RGS6: variants seen among roughly 807,000 people sequenced by gnomAD.
RGS6 encodes regulator of G-protein signaling 6.
A neutral mutation model predicts 78.5 loss-of-function variants in RGS6; 30 were observed. That is an observed-to-expected ratio of 0.38 (90% CI 0.29 to 0.52). The LOEUF is 0.52. Among genes scored for constraint, RGS6 ranks in the 20% least tolerant of loss-of-function variants. The probability of loss-of-function intolerance (pLI) is 0.85; values close to 1 mark genes in which losing one functional copy is unlikely to be tolerated. For synonymous variants in RGS6, 206 were observed against 206.0 expected (o/e 1.00, Z 0.00); for missense variants, 495 against 609.7 (o/e 0.81, Z 1.98).
In RGS6 at chr14:72,454,587, C is replaced by A; in HGVS notation, c.235+9C>A. On this transcript the variant is annotated intron_variant, in intron 4 of 17. Transcript: ENST00000553525. ...TTCCATTGAGGACCCAGGTACTTGA[C>A]CTTTGACCCCACCCTTATCTCCCCT... 6.2e-7 allele frequency: 1 copy of A among 1,612,782 alleles called. No individual in the cohort carries two copies. Among genetic ancestry groups the A allele is most frequent in the South Asian group, 1.1e-5 (1 of 90,976 alleles).
At chr14:72,444,610 A>G (rs1468987646) in intron 3 of RGS6, among the ~76,000 whole-genome samples, 6 of 152,098 alleles carry the variant, frequency 3.9e-5, no homozygotes, top group Non-Finnish European at 8.8e-5. Context: ...ATCAGTTTCC[A>G]GTTCTTGAGG....
In RGS6 at chr14:72,508,358, G is replaced by T. The variant is rs553375419; in HGVS notation, c.966-1796G>T. On this transcript the variant is annotated intron_variant, in intron 13 of 17. Coordinates refer to ENST00000553525, the MANE Select transcript of RGS6 (RefSeq NM_001204424.2). ...CATGTAGCTATTTAAATTTAAATTT[G>T]AATCATTTAAAATTAAATGAATTTT... is the stretch of plus-strand genomic sequence containing the variant. Among the ~76,000 whole-genome samples the T allele has an allele frequency of 8.7e-4, 132 of 152,124 alleles. 2 individuals are homozygous for T. Among genetic ancestry groups the T allele is most frequent in the East Asian group, 1.7e-3 (9 of 5,174 alleles).
intron 2 of RGS6, among the ~76,000 whole-genome samples, chr14:72,109,741 T>C (rs1375720222): frequency 6.6e-6 from 1 of 152,208 alleles, no homozygotes; most frequent in Non-Finnish European, 1.5e-5. Context: ...TGCCTTACAA[T>C]GGACAGATAC....
intron 2 of RGS6, among the ~76,000 whole-genome samples, chr14:71,991,889 T>G (rs1396076008): frequency 6.6e-6 from 1 of 152,230 alleles, no homozygotes; most frequent in Non-Finnish European, 1.5e-5. Context: ...CTGTTATAAG[T>G]GCAGAAGCAT....
chr14:72,244,016 A>G (rs1470665794), intron 2 of RGS6, among the ~76,000 whole-genome samples: 2 of 152,210 alleles, frequency 1.3e-5, no homozygotes, highest in African/African-American at 4.8e-5. Context: ...TATAGAAGAT[A>G]GAAACAGCAG....
intron 3 of RGS6, among the ~76,000 whole-genome samples, chr14:72,426,946 TG>T (rs1302904469): frequency 2.0e-5 from 3 of 152,242 alleles, no homozygotes; most frequent in Non-Finnish European, 4.4e-5. Context: ...CTTGCTCTCT[TG>T]GGATGTTTGT....
At chr14:72,029,925 GC>G (rs1274406999) in intron 2 of RGS6, among the ~76,000 whole-genome samples, 1 of 152,186 alleles carries the variant, frequency 6.6e-6, no homozygotes, top group East Asian at 1.9e-4. Context: ...TCAGTAGTCT[GC>G]TTTCATAGAT....
chr14:72,032,754 G>A (rs1458537245), intron 2 of RGS6, among the ~76,000 whole-genome samples: 1 of 151,912 alleles, frequency 6.6e-6, no homozygotes, highest in Non-Finnish European at 1.5e-5. Flanking sequence ...TGTTCTCAAG[G>A]TTCATCTATA....
At chr14:72,328,183 C>T (rs1478869162) in intron 2 of RGS6, among the ~76,000 whole-genome samples, 1 of 152,154 alleles carries the variant, frequency 6.6e-6, no homozygotes, top group Non-Finnish European at 1.5e-5. Context: ...AAGATGCTTG[C>T]CCACACCAGT....
the RGS6 span, among the ~76,000 whole-genome samples, chr14:71,898,398 T>C: frequency 6.6e-6 from 1 of 152,218 alleles, no homozygotes; most frequent in African/African-American, 2.4e-5. Flanking sequence ...GGTAGAAATA[T>C]ATACAGCCTA....
At chr14:72,289,147 G>C (rs1003204289) in intron 2 of RGS6, among the ~76,000 whole-genome samples, 2 of 152,138 alleles carry the variant, frequency 1.3e-5, no homozygotes, top group African/African-American at 4.8e-5. Context: ...TTAATCAGCA[G>C]CTCAGGAAAT....
intron 2 of RGS6, among the ~76,000 whole-genome samples, chr14:72,085,252 A>G (rs779929687): frequency 2.0e-5 from 3 of 152,262 alleles, no homozygotes; most frequent in Non-Finnish European, 4.4e-5. Context: ...GGCGGTCAAT[A>G]AATGGCATAC....
At chr14:72,393,233 T>A (rs1329242662) in intron 3 of RGS6, among the ~76,000 whole-genome samples, 1 of 152,212 alleles carries the variant, frequency 6.6e-6, no homozygotes, top group Non-Finnish European at 1.5e-5. Flanking sequence ...GAACCAGGAC[T>A]GAGCCAGCAG....
At chr14:72,576,334 A>T in the RGS6 span, among the ~76,000 whole-genome samples, 1 of 152,202 alleles carries the variant, frequency 6.6e-6, no homozygotes, top group Non-Finnish European at 1.5e-5. Flanking sequence ...TTCTCCTCCC[A>T]AAAAGTACAT....
At chr14:72,560,202 G>C (rs1348269621) in intron 17 of RGS6, among the ~76,000 whole-genome samples, 2 of 152,150 alleles carry the variant, frequency 1.3e-5, no homozygotes, top group African/African-American at 4.8e-5. Context: ...TGTGTGATTT[G>C]TGGCCCTGGC....
chr14:72,024,040 T>C (rs527671416), intron 2 of RGS6, among the ~76,000 whole-genome samples: 3 of 112,254 alleles, frequency 2.7e-5, no homozygotes, highest in East Asian at 2.8e-4. Context: ...GATTCTGCTT[T>C]GTACATGTAG....
At chr14:72,088,302 T>C (rs541674428) in intron 2 of RGS6, among the ~76,000 whole-genome samples, 49 of 152,302 alleles carry the variant, frequency 3.2e-4, no homozygotes, top group African/African-American at 1.1e-3. Flanking sequence ...TGTGATGCAC[T>C]CCTCCTTCCC....
At chr14:72,049,998 A>G (rs149419849) in intron 2 of RGS6, among the ~76,000 whole-genome samples, 117 of 152,358 alleles carry the variant, frequency 7.7e-4, no homozygotes, top group Admixed American at 1.6e-3. Flanking sequence ...ATTTTGATGC[A>G]GTAAAGACAA....
At chr14:72,338,276 C>T (rs555936862) in intron 2 of RGS6, among the ~76,000 whole-genome samples, 5 of 152,310 alleles carry the variant, frequency 3.3e-5, no homozygotes, top group South Asian at 2.1e-4. Context: ...CACGGTTCCA[C>T]GTGGTTGGGG....
Sources: gnomAD v4.1 joint callset for allele counts (sites outside exome capture counted in the v4.1 genomes callset) on GRCh38, gnomAD v4.1.1 for gene constraint, MANE v1.5 for transcripts, NCBI Gene and HGNC (gene_info 2026-07-23, HGNC 2026-07-21) for gene names.